Variants in CSMD1 observed in about 807,000 individuals in gnomAD.
CSMD1 encodes the protein CUB and sushi domain-containing protein 1.
Under a neutral mutation model 417.5 loss-of-function variants are expected in CSMD1, and 213 were observed. The observed-to-expected ratio is 0.51, with a 90% CI of 0.46 to 0.57. The LOEUF (loss-of-function observed/expected upper bound fraction) is 0.57, where lower values mean the gene tolerates loss of function less well. CSMD1 is among the 20% of genes least tolerant of loss of function. The pLI, the probability that CSMD1 is intolerant of heterozygous loss-of-function variation, is 0.00. For missense variants in CSMD1, 6,923 were observed against 4,529.7 expected, an observed-to-expected ratio of 1.53 and a Z score of -15.17; for synonymous variants, 2,862 against 1,736.8, an observed-to-expected ratio of 1.65 and a Z score of -16.11.
chr8:4,425,780 G>C (rs1154049), intron 2 of CSMD1, among the ~76,000 whole-genome samples: 1 of 152,136 alleles, frequency 6.6e-6, no homozygotes, highest in Non-Finnish European at 1.5e-5. Flanking sequence ...GTGTCTTGCA[G>C]TAGCAAGTCT....
At chr8:4,186,405 G>A (rs190797582) in intron 3 of CSMD1, among the ~76,000 whole-genome samples, 100 of 152,174 alleles carry the variant, frequency 6.6e-4, no homozygotes, top group Non-Finnish European at 1.1e-3. Context: ...AGACAGTCCA[G>A]TCCCTGACAC....
intron 1 of CSMD1, among the ~76,000 whole-genome samples, chr8:4,948,090 T>A (rs1808487711): frequency 1.3e-5 from 2 of 152,206 alleles, no homozygotes; most frequent in African/African-American, 2.4e-5. Context: ...TAATTTTTTT[T>A]TAAGTGCCAA....
intron 1 of CSMD1, among the ~76,000 whole-genome samples, chr8:4,677,954 G>A (rs1169970853): frequency 1.3e-5 from 2 of 152,064 alleles, no homozygotes; most frequent in Non-Finnish European, 2.9e-5. Flanking sequence ...GAAAAAAAAT[G>A]AAATAGACAT....
chr8:4,237,289 A>C (rs1316886305), intron 3 of CSMD1, among the ~76,000 whole-genome samples: 6 of 152,190 alleles, frequency 3.9e-5, no homozygotes, highest in African/African-American at 1.4e-4. Flanking sequence ...TATATTAAGA[A>C]ACAAATATTG....
chr8:3,446,888 T>C (rs1028895909), intron 12 of CSMD1, among the ~76,000 whole-genome samples: 1 of 152,170 alleles, frequency 6.6e-6, no homozygotes, highest in South Asian at 2.1e-4. Flanking sequence ...TAAGAACTTG[T>C]AAGAGAAATT....
In CSMD1 at chr8:4,994,441, C is replaced by A. The variant is rs1159187756; in HGVS notation, c.-25G>T. On this transcript the variant is annotated 5_prime_UTR_variant, in exon 1 of 70. Transcript: ENST00000635120. ...TGTCTGCAGATACTCCACACGCACGCGACACCGATGGCTCCTCCGAGGAAG... is the reference window on the plus strand; with the variant it reads ...TGTCTGCAGATACTCCACACGCACGAGACACCGATGGCTCCTCCGAGGAAG... The A allele has an allele frequency of 6.3e-7, 1 of 1,597,324 alleles. No homozygotes were observed. Among genetic ancestry groups the A allele is most frequent in the African/African-American group, 1.3e-5 (1 of 74,774 alleles).
chr8:4,931,277 T>C (rs916389932), intron 1 of CSMD1, among the ~76,000 whole-genome samples: 1 of 152,222 alleles, frequency 6.6e-6, no homozygotes, highest in African/African-American at 2.4e-5. Context: ...GACATTACTT[T>C]TGTTCTCTCC....
chr8:3,928,273 T>C lies in CSMD1; in HGVS notation c.818+69630A>G, dbSNP rs78647203. ...AGCCTCATAATTACATATGCTGTGA[T>C]ATAAATGTTACATTGATTATTCAAC... On this transcript the variant is annotated intron_variant, in intron 5 of 69. Coordinates refer to ENST00000635120, the MANE Select transcript of CSMD1 (RefSeq NM_033225.6). 3.0e-3 allele frequency among the ~76,000 whole-genome samples: 461 copies of C among 152,342 alleles called. 1 individual carries two copies. Among genetic ancestry groups the C allele is most frequent in the Middle Eastern group, 0.01 (3 of 294 alleles).
intron 5 of CSMD1, among the ~76,000 whole-genome samples, chr8:3,802,551 C>T (rs1309602375): frequency 6.6e-6 from 1 of 152,060 alleles, no homozygotes; most frequent in Non-Finnish European, 1.5e-5. Context: ...ATAATTTTGC[C>T]ACCTACTTAG....
At chr8:3,138,961 G>C (rs1323005175) in intron 41 of CSMD1, among the ~76,000 whole-genome samples, 2 of 152,182 alleles carry the variant, frequency 1.3e-5, no homozygotes, top group Non-Finnish European at 2.9e-5. Context: ...TTAGGAGTTT[G>C]GCCATTTTCT....
intron 50 of CSMD1, among the ~76,000 whole-genome samples, chr8:3,036,640 G>C (rs192099239): frequency 4.6e-5 from 7 of 152,138 alleles, no homozygotes; most frequent in African/African-American, 7.2e-5. Flanking sequence ...TAGTACCTTA[G>C]AAGCCTAAAT....
At chr8:2,997,835 A>C (rs1807046515) in intron 54 of CSMD1, among the ~76,000 whole-genome samples, 176 bp downstream of exon 54, 1 of 152,206 alleles carries the variant, frequency 6.6e-6, no homozygotes, top group Non-Finnish European at 1.5e-5. Context: ...GAGACAGGAA[A>C]AAGCCATGGA....
intron 1 of CSMD1, among the ~76,000 whole-genome samples, chr8:4,696,552 G>A (rs552189469): frequency 3.3e-5 from 5 of 152,250 alleles, no homozygotes; most frequent in East Asian, 1.9e-4. Context: ...TAATATTTGG[G>A]GAGGCTACAG....
At chr8:4,401,114 G>C (rs955458105) in intron 3 of CSMD1, among the ~76,000 whole-genome samples, 9 of 152,094 alleles carry the variant, frequency 5.9e-5, no homozygotes, top group African/African-American at 9.7e-5. Context: ...ACCTTCTTCA[G>C]CTCCACATAA....
chr8:4,088,826 C>G (rs992684344), intron 3 of CSMD1, among the ~76,000 whole-genome samples: 2 of 152,146 alleles, frequency 1.3e-5, no homozygotes, highest in Admixed American at 6.5e-5. Flanking sequence ...GGACTCATCC[C>G]TCCCTCTGGA....
chr8:3,109,018 A>C (rs752167778), intron 43 of CSMD1, among the ~76,000 whole-genome samples: 9 of 152,170 alleles, frequency 5.9e-5, no homozygotes, highest in Non-Finnish European at 1.0e-4. Flanking sequence ...TCATCCCAGC[A>C]CTTTGGGAGG....
At chr8:4,043,053 A>C (rs1415398405) in intron 3 of CSMD1, among the ~76,000 whole-genome samples, 1 of 151,924 alleles carries the variant, frequency 6.6e-6, no homozygotes, top group African/African-American at 2.4e-5. Context: ...AATCACTTGA[A>C]CCTTGGAGGC....
chr8:3,743,680 C>A (rs1231589053), intron 6 of CSMD1, among the ~76,000 whole-genome samples: 1 of 152,128 alleles, frequency 6.6e-6, no homozygotes, highest in Non-Finnish European at 1.5e-5. Context: ...CTCCACACTT[C>A]TCCGTATTTT....
chr8:3,612,522 T>A (rs1801944565), intron 8 of CSMD1, among the ~76,000 whole-genome samples: 1 of 152,162 alleles, frequency 6.6e-6, no homozygotes, highest in Admixed American at 6.5e-5. Flanking sequence ...CAAGTGGTCA[T>A]GGAACATTTA....
Sources: allele counts gnomAD v4.1 joint callset (sites outside exome capture counted in the v4.1 genomes callset), GRCh38; gene constraint gnomAD v4.1.1; transcripts MANE v1.5; gene names NCBI Gene and HGNC (gene_info 2026-07-23, HGNC 2026-07-21).